Variants in MIA3 observed in about 807,000 individuals in gnomAD.
MIA3 encodes transport and Golgi organization protein 1 homolog.
In MIA3, 90 loss-of-function variants were observed where a neutral mutation model predicts 192.4. The observed-to-expected ratio is 0.47, with a 90% CI of 0.39 to 0.56. The LOEUF (loss-of-function observed/expected upper bound fraction) is 0.56, where lower values mean the gene tolerates loss of function less well. MIA3 is among the 20% of genes least tolerant of loss of function. The probability of loss-of-function intolerance (pLI) is 0.00; values close to 1 mark genes in which losing one functional copy is unlikely to be tolerated. For missense variants in MIA3, 2,123 were observed against 2,269.4 expected, an observed-to-expected ratio of 0.94 and a Z score of 1.31; for synonymous variants, 740 against 792.8, an observed-to-expected ratio of 0.93 and a Z score of 1.12.
chr1:222,631,522 T>C (rs1662397711), intron 4 of MIA3, among the ~76,000 whole-genome samples: 1 of 152,054 alleles, frequency 6.6e-6, no homozygotes, highest in Non-Finnish European at 1.5e-5. Flanking sequence ...TCCTAAGAAA[T>C]GGGGGAGGAG....
chr1:222,632,090 G>C, intron 4 of MIA3, 75 bp from the exon 5 acceptor site: 1 of 1,406,820 alleles, frequency 7.1e-7, no homozygotes, highest in Admixed American at 1.9e-5. Context: ...GAGGTGCCCT[G>C]GTGTGGTCAG....
Position 222,665,849 on chromosome 1 carries a change from C to A in MIA3, c.*230C>A. Reference sequence around the variant, plus strand: ...AGCGTCCTTACAACTTTGAAATGTGCAATAAAGAATACCTGTGTTTTAGCT... The same window carrying A: ...AGCGTCCTTACAACTTTGAAATGTGAAATAAAGAATACCTGTGTTTTAGCT... On this transcript the variant is annotated 3_prime_UTR_variant, in exon 28 of 28. Coordinates refer to ENST00000344922, the MANE Select transcript of MIA3 (RefSeq NM_198551.4). 2.6e-6 allele frequency: 1 copy of A among 390,288 alleles called. No individual in the cohort carries two copies. The highest frequency in any genetic ancestry group is 4.5e-6 in the Non-Finnish European group (1 of 222,938). The allele number at this position is 390,288 out of a possible 1,614,324, so 24.2% of individuals were successfully genotyped here. A position where few individuals can be genotyped will look rare whatever the true frequency, so the allele number is the denominator to read the frequency against.
chr1:222,664,872 C>CT (rs1264236806), intron 27 of MIA3: 5 of 461,658 alleles, frequency 1.1e-5, no homozygotes, highest in African/African-American at 4.0e-5. Context: ...AAATCTATCT[C>CT]TCTTTTTCAG....
rs554547145 is a variant in MIA3, at chr1:222,650,789, G to A, written c.3799-4G>A. On this transcript the variant is annotated splice_region_variant and splice_polypyrimidine_tract_variant and intron_variant, in intron 10 of 27. Coordinates refer to ENST00000344922, the MANE Select transcript of MIA3 (RefSeq NM_198551.4). ...TATAACTAACCTTAATATCTTTTTT[G>A]TAGGATAAAATCAAGACACTTGAAA... is the stretch of plus-strand genomic sequence containing the variant. 4 of 1,589,922 alleles carry A rather than the reference G, an allele frequency of 2.5e-6. No homozygotes were observed. In the South Asian group the frequency reaches 3.4e-5, roughly 14 times the overall value.
intron 5 of MIA3, 53 bp downstream of exon 5, chr1:222,632,379 T>G (rs1306140071): frequency 6.8e-7 from 1 of 1,465,586 alleles, no homozygotes; most frequent in Admixed American, 2.0e-5. Flanking sequence ...AAGAAGGCCT[T>G]CTAGGAGATT....
intron 4 of MIA3, 102 bp from the exon 5 acceptor site, chr1:222,632,063 G>GCATGGGCATCC: frequency 2.1e-6 from 2 of 961,070 alleles, no homozygotes; most frequent in Non-Finnish European, 1.6e-6. Context: ...GGATGCCCAT[G>GCATGGGCATCC]CATGGAGGTC....
intron 26 of MIA3, among the ~76,000 whole-genome samples, chr1:222,663,319 C>T (rs533562974): frequency 6.6e-6 from 1 of 152,254 alleles, no homozygotes; most frequent in South Asian, 2.1e-4. Flanking sequence ...CCCGAGACCC[C>T]TTTGAAGTAG....
rs564848897 is a variant in MIA3 at position 222,628,373 on chromosome 1, G to A, written c.1153G>A (p.Asp385Asn). The A allele has an allele frequency of 2.9e-4, 469 of 1,614,010 alleles. 4 individuals carry two copies. The South Asian group carries it at 4.8e-3, about 17-fold the overall frequency. Reference protein sequence around the residue: ...DDKNILTTWGDTIFSIVTGGE... With the variant: ...DDKNILTTWGNTIFSIVTGGE... ...TAAAAATATACTAACAACCTGGGGG[G>A]ACACTATCTTCTCTATTGTCACAGG... The change falls in exon 4 of 28, where the codon GAC (aspartate) becomes AAC (asparagine). Residue 385 changes from aspartate (D) to asparagine (N), a missense_variant. Asp to Asn is a conservative substitution (Grantham distance 23). Around this residue, in one of 3 missense-constraint regions of MIA3, gnomAD observed 1,357 missense variants for 1,396.1 expected, o/e 0.97. Coordinates refer to ENST00000344922, the MANE Select transcript of MIA3 (RefSeq NM_198551.4).
chr1:222,633,864 A>C (rs961858601), intron 6 of MIA3, among the ~76,000 whole-genome samples: 1 of 151,076 alleles, frequency 6.6e-6, no homozygotes, highest in Admixed American at 6.6e-5. Context: ...TTTTTTTTTT[A>C]AATTGAGACA....
At chr1:222,636,593 A>G (rs1421566625) in intron 6 of MIA3, among the ~76,000 whole-genome samples, 1 of 144,640 alleles carries the variant, frequency 6.9e-6, no homozygotes, top group Admixed American at 7.2e-5. Flanking sequence ...GCTCATTGCA[A>G]CCTCCACCTC....
chr1:222,650,759 A>G (rs1452655734), intron 10 of MIA3, 34 bp from the exon 11 acceptor site: 57 of 1,567,176 alleles, frequency 3.6e-5, no homozygotes, highest in Non-Finnish European at 4.9e-5. Context: ...AGTAAAAGTA[A>G]TGAGTATAAC....
Position 222,629,584 on chromosome 1 carries a change from C to A in MIA3, c.2364C>A (p.Ser788Arg), listed in dbSNP as rs3008620. 1 of 1,613,880 alleles carries A rather than the reference C, an allele frequency of 6.2e-7. No individual in the cohort carries two copies. The highest frequency in any genetic ancestry group is 1.7e-5 in the Admixed American group (1 of 60,010). Reference protein sequence around the residue: ...SKQETSMILDSEKTSETAAKG... With the variant: ...SKQETSMILDREKTSETAAKG... ...AAGAAACTAGTATGATTTTGGATAG[C>A]GAAAAAACAAGTGAGACTGCTGCCA... The change falls in exon 4 of 28, where the codon AGC (serine) becomes AGA (arginine). Residue 788 changes from serine (S) to arginine (R), a missense_variant. Ser to Arg is a moderately radical substitution (Grantham distance 110). This residue lies in a region of MIA3 where 1,357 missense variants were observed against 1,396.1 expected (regional missense o/e 0.97). Transcript: ENST00000344922.
Position 222,654,687 on chromosome 1 carries a change from T to A in MIA3, c.4501T>A (p.Ser1501Thr), listed in dbSNP as rs1489419098. ...AAAGAAATTGGAAGATGACCGCAAC[T>A]CACTACAAGCTGCCAAAGCTGGACT... Reference protein sequence around the residue: ...QVKKLEDDRNSLQAAKAGLED... With the variant: ...QVKKLEDDRNTLQAAKAGLED... Residue 1501 changes from serine (S) to threonine (T), a missense_variant, in exon 18 of 28, where the codon TCA becomes ACA. Around this residue, in one of 3 missense-constraint regions of MIA3, gnomAD observed 762 missense variants for 856.4 expected, o/e 0.89. Transcript: ENST00000344922. 6.2e-7 allele frequency: 1 copy of A among 1,614,112 alleles called. No homozygotes were observed.
At chr1:222,661,763 T>A (rs982161163) in intron 24 of MIA3, among the ~76,000 whole-genome samples, 4 of 152,172 alleles carry the variant, frequency 2.6e-5, no homozygotes, top group Non-Finnish European at 4.4e-5. Context: ...GGAAGTCAGA[T>A]TACATATACA....
In MIA3 at chr1:222,652,995, TTTAAC is replaced by T; in HGVS notation, c.4087-10_4087-6del. On this transcript the variant is annotated splice_polypyrimidine_tract_variant and splice_region_variant and intron_variant, in intron 13 of 27. Transcript: ENST00000344922. ...GCCCTAACCTGTGGGAATCATGTGT[TTTAAC>T]TTTGCAGTTGCAGCAGGAAATCGAA... 1 of 1,607,598 alleles carries T rather than the reference TTTAAC, an allele frequency of 6.2e-7. No homozygotes were observed. Among genetic ancestry groups the T allele is most frequent in the Non-Finnish European group, 8.5e-7 (1 of 1,175,164 alleles).
chr1:222,628,042 C>A lies in MIA3; in HGVS notation c.822C>A (p.Asp274Glu), dbSNP rs1305264289. 6.2e-7 allele frequency: 1 copy of A among 1,614,142 alleles called. No individual in the cohort carries two copies. ...TTTTGAAAAAAGAAATGACTCTAGA[C>A]TTGAAAACCAAATTTGGCTCAACAG... is the stretch of plus-strand genomic sequence containing the variant. The part of the protein sequence containing the change: ...YKLLKKEMTL[D>E]LKTKFGSTAD... The change falls in exon 4 of 28, where the codon GAC becomes GAA. Residue 274 changes from aspartate (D) to glutamate (E), a missense_variant. Coordinates refer to ENST00000344922, the MANE Select transcript of MIA3 (RefSeq NM_198551.4).
chr1:222,627,565 T>A lies in MIA3; in HGVS notation c.355-10T>A, dbSNP rs751580072. 1 of 1,558,118 alleles carries A rather than the reference T, an allele frequency of 6.4e-7. No individual in the cohort carries two copies. Among genetic ancestry groups the A allele is most frequent in the Non-Finnish European group, 8.6e-7 (1 of 1,158,268 alleles). On this transcript the variant is annotated splice_polypyrimidine_tract_variant and intron_variant, in intron 3 of 27. Transcript: ENST00000344922. ...CTATTGACAGACTAATGTTTTTCTTTTTCTTACAGGAGACGGATTTTGTTT... is the reference window on the plus strand; with the variant it reads ...CTATTGACAGACTAATGTTTTTCTTATTCTTACAGGAGACGGATTTTGTTT...
intron 1 of MIA3, 63 bp downstream of exon 1, chr1:222,618,306 G>T (rs565312867): frequency 3.1e-6 from 4 of 1,276,066 alleles, no homozygotes; most frequent in Non-Finnish European, 4.0e-6. Flanking sequence ...CGCCGGCCCC[G>T]GGGGTCTCCG....
chr1:222,657,084 G>T (rs180986634), intron 18 of MIA3, among the ~76,000 whole-genome samples: 26 of 152,258 alleles, frequency 1.7e-4, no homozygotes, highest in African/African-American at 6.3e-4. Flanking sequence ...GGTGAACATT[G>T]TTTTTGAAAA....
Sources: allele counts gnomAD v4.1 joint callset (sites outside exome capture counted in the v4.1 genomes callset), GRCh38; gene constraint gnomAD v4.1.1; regional missense constraint gnomAD v4.1.1; transcripts MANE v1.5; gene names NCBI Gene and HGNC (gene_info 2026-07-23, HGNC 2026-07-21).